NXPH1: variants seen among roughly 807,000 people sequenced by gnomAD.
NXPH1 encodes the protein neurexophilin 1, also known as neurexophilin-1.
Under a neutral mutation model 23.7 loss-of-function variants are expected in NXPH1, and 5 were observed. The ratio of observed to expected loss-of-function variants is 0.21; its 90% CI spans 0.11 to 0.44. The LOEUF (loss-of-function observed/expected upper bound fraction) is 0.44, where lower values mean the gene tolerates loss of function less well. Among genes scored for constraint, NXPH1 ranks in the 20% least tolerant of loss-of-function variants. The pLI, the probability that NXPH1 is intolerant of heterozygous loss-of-function variation, is 0.99. For synonymous variants in NXPH1, 144 were observed against 122.2 expected (o/e 1.18, Z -1.18); for missense variants, 324 against 321.6 (o/e 1.01, Z -0.06).
intron 2 of NXPH1, among the ~76,000 whole-genome samples, chr7:8,554,976 C>G (rs1451796617): frequency 6.6e-6 from 1 of 151,648 alleles, no homozygotes; most frequent in Non-Finnish European, 1.5e-5. Flanking sequence ...CCTTTTGGAT[C>G]AAGACACACA....
intron 2 of NXPH1, among the ~76,000 whole-genome samples, chr7:8,740,755 A>G (rs1780347157): frequency 6.7e-6 from 1 of 150,282 alleles, no homozygotes; most frequent in African/African-American, 2.5e-5. Flanking sequence ...TCCCAGCTTT[A>G]CTGATATGTA....
At chr7:8,476,674 T>C (rs73048821) in intron 2 of NXPH1, among the ~76,000 whole-genome samples, 384 of 150,846 alleles carry the variant, frequency 2.5e-3, no homozygotes, top group Middle Eastern at 6.8e-3. Flanking sequence ...AGCTATGAAG[T>C]ATATGATTAA....
intron 2 of NXPH1, among the ~76,000 whole-genome samples, chr7:8,531,236 C>T (rs1354959208): frequency 6.6e-6 from 1 of 152,098 alleles, no homozygotes; most frequent in Non-Finnish European, 1.5e-5. Flanking sequence ...TTTTCCAGCC[C>T]TGGCACACTA....
chr7:8,720,555 G>T (rs983760031), intron 2 of NXPH1, among the ~76,000 whole-genome samples: 2 of 152,028 alleles, frequency 1.3e-5, no homozygotes, highest in Non-Finnish European at 2.9e-5. Context: ...TCCAGCAAAT[G>T]GATTTTAAAA....
rs570857247 is a variant in NXPH1 at position 8,751,779 on chromosome 7, T to G, written c.*10T>G. On this transcript the variant is annotated 3_prime_UTR_variant, in exon 3 of 3. Transcript: ENST00000405863. The surrounding 1 kb of genome is among the most constrained non-coding windows in gnomAD (Gnocchi z 4.5). ...CTTTCCCTCGGGATGAAGGTGAACA[T>G]GGGGGTGAGACTGAAGCCTGAGGAA... is the stretch of plus-strand genomic sequence containing the variant. The G allele has an allele frequency of 8.1e-6, 13 of 1,601,044 alleles. No individual in the cohort carries two copies. The East Asian group carries it at 2.9e-4, about 36-fold the overall frequency.
At chr7:8,731,852 G>T (rs1780160155) in intron 2 of NXPH1, among the ~76,000 whole-genome samples, 1 of 152,266 alleles carries the variant, frequency 6.6e-6, no homozygotes, top group Admixed American at 6.5e-5. Context: ...GCCTCCTTGA[G>T]CTGTGGTGGG....
At chr7:8,614,096 A>G (rs1046687037) in intron 2 of NXPH1, among the ~76,000 whole-genome samples, 1 of 151,918 alleles carries the variant, frequency 6.6e-6, no homozygotes, top group Middle Eastern at 3.2e-3. Context: ...CTAAGTTGAT[A>G]AATGTACTTT....
chr7:8,613,561 C>A (rs1195457013), intron 2 of NXPH1, among the ~76,000 whole-genome samples: 1 of 151,874 alleles, frequency 6.6e-6, no homozygotes, highest in Non-Finnish European at 1.5e-5. Context: ...AGGGAAAATG[C>A]AGATTAGGGA....
intron 2 of NXPH1, among the ~76,000 whole-genome samples, chr7:8,500,003 A>T (rs1011879777): frequency 2.6e-5 from 4 of 152,128 alleles, no homozygotes; most frequent in African/African-American, 9.7e-5. Context: ...TGTGTACTAT[A>T]AAGCGAATAA....
intron 2 of NXPH1, among the ~76,000 whole-genome samples, chr7:8,583,185 T>C (rs1438186006): frequency 2.0e-5 from 3 of 152,254 alleles, no homozygotes; most frequent in East Asian, 1.9e-4. Context: ...TCCTGACTTC[T>C]AAATTGTCTG....
chr7:8,651,278 A>G (rs569569179), intron 2 of NXPH1, among the ~76,000 whole-genome samples: 7 of 106,858 alleles, frequency 6.6e-5, no homozygotes, highest in African/African-American at 2.2e-4. Flanking sequence ...AATTTCATCC[A>G]TGTCCCTACA....
At chr7:8,695,178 T>C (rs866589363) in intron 2 of NXPH1, among the ~76,000 whole-genome samples, 2 of 152,236 alleles carry the variant, frequency 1.3e-5, no homozygotes, top group South Asian at 2.1e-4. Flanking sequence ...GGTAGGTACA[T>C]TGTGCTGTAA....
At chr7:8,585,932 A>G (rs548337630) in intron 2 of NXPH1, among the ~76,000 whole-genome samples, 24 of 152,142 alleles carry the variant, frequency 1.6e-4, no homozygotes, top group Non-Finnish European at 2.5e-4. Flanking sequence ...GAACCCTAGA[A>G]CTGTTTCTTC....
chr7:8,734,567 T>C (rs571973642), intron 2 of NXPH1, among the ~76,000 whole-genome samples: 5 of 152,338 alleles, frequency 3.3e-5, no homozygotes, highest in South Asian at 4.1e-4. Context: ...TGATTTGTTA[T>C]GATTTCCGTT....
chr7:8,622,716 A>G (rs115776468), intron 2 of NXPH1, among the ~76,000 whole-genome samples: 56 of 152,374 alleles, frequency 3.7e-4, no homozygotes, highest in African/African-American at 1.2e-3. Flanking sequence ...AGGTAAAAGT[A>G]TATGCTAATG....
chr7:8,449,841 A>G (rs1442339954), intron 2 of NXPH1, among the ~76,000 whole-genome samples: 1 of 152,184 alleles, frequency 6.6e-6, no homozygotes, highest in Non-Finnish European at 1.5e-5. Flanking sequence ...GCACTACTGT[A>G]GTTAAGTAGT....
chr7:8,436,846 T>C lies in NXPH1; in HGVS notation c.54+1079T>C, dbSNP rs73046771. Among the ~76,000 whole-genome samples the C allele has an allele frequency of 5.1e-3, 776 of 152,248 alleles. 3 individuals are homozygous for C. The highest frequency in any genetic ancestry group is 8.0e-3 in the Non-Finnish European group (545 of 68,014). ...GCTCCTCAATCCCAAGAGCCTTAGA[T>C]AGAACCCATAAGCCTGAAAGAATTG... On this transcript the variant is annotated intron_variant, in intron 2 of 2. Coordinates refer to ENST00000405863, the MANE Select transcript of NXPH1 (RefSeq NM_152745.3).
At chr7:8,573,994 G>GT (rs1818702933) in intron 2 of NXPH1, among the ~76,000 whole-genome samples, 1 of 152,106 alleles carries the variant, frequency 6.6e-6, no homozygotes, top group South Asian at 2.1e-4. Flanking sequence ...ATACAGAACT[G>GT]TGAGTGTCAT....
intron 2 of NXPH1, among the ~76,000 whole-genome samples, chr7:8,699,308 A>T (rs1383486163): frequency 2.0e-5 from 3 of 152,162 alleles, no homozygotes; most frequent in Non-Finnish European, 4.4e-5. Context: ...GAAAACATAC[A>T]TACTTTTATT....
Sources: allele counts gnomAD v4.1 joint callset (sites outside exome capture counted in the v4.1 genomes callset), GRCh38; gene constraint gnomAD v4.1.1; non-coding constraint Gnocchi (gnomAD v3.1); transcripts MANE v1.5; gene names NCBI Gene and HGNC (gene_info 2026-07-23, HGNC 2026-07-21).